The following VPS26C variants were observed in gnomAD, a reference collection of about 807,000 sequenced individuals.
The protein encoded by VPS26C is VPS26 endosomal protein sorting factor C.
In VPS26C, 19 loss-of-function variants were observed where a neutral mutation model predicts 30.6. The observed-to-expected ratio is 0.62, with a 90% CI of 0.43 to 0.91. VPS26C has a LOEUF of 0.91. VPS26C is among the 40% of genes least tolerant of loss of function. VPS26C has a pLI of 0.00. For missense variants in VPS26C, 318 were observed against 385.1 expected (o/e 0.83, Z 1.46); for synonymous variants, 132 against 151.5 (o/e 0.87, Z 0.95).
intron 1 of VPS26C, among the ~76,000 whole-genome samples, chr21:37,254,021 A>G (rs1393922348): frequency 6.6e-6 from 1 of 152,220 alleles, no homozygotes; most frequent in Non-Finnish European, 1.5e-5. Context: ...AAGTGCATGT[A>G]AAGACTCCAG....
chr21:37,250,026 G>A (rs78121578), intron 1 of VPS26C, among the ~76,000 whole-genome samples: 12,772 of 152,238 alleles, frequency 0.084, 1,368 homozygotes, highest in African/African-American at 0.23. Flanking sequence ...AAGTTGGGCC[G>A]GGCAGGGTGG....
chr21:37,247,165 T>C (rs2086145759), intron 1 of VPS26C, among the ~76,000 whole-genome samples: 1 of 152,230 alleles, frequency 6.6e-6, no homozygotes, highest in Non-Finnish European at 1.5e-5. Flanking sequence ...AGCCACACTA[T>C]GGCCAGTGGC....
At position 37,265,944 on chromosome 21, in the gene VPS26C, G is replaced by T. The variant is rs568403487; in HGVS notation, c.57+1294C>A. Among the ~76,000 whole-genome samples, 18 of 129,844 alleles carry T rather than the reference G, an allele frequency of 1.4e-4. No individual in the cohort carries two copies. The South Asian group carries it at 4.4e-3, about 31-fold the overall frequency. 85.2% of individuals were successfully genotyped at this position (129,844 alleles called of 152,430 possible). On this transcript the variant is annotated intron_variant, in intron 1 of 7. Transcript: ENST00000309117. Reference sequence around the variant, plus strand: ...TTTTTTTTTTTTTTTTTGAGACGGGGTCTCACTCTGTTGCCCAGGCTGGAG... The same window carrying T: ...TTTTTTTTTTTTTTTTTGAGACGGGTTCTCACTCTGTTGCCCAGGCTGGAG...
In VPS26C at chr21:37,233,172, C is replaced by G; in HGVS notation, c.432+190G>C. On this transcript the variant is annotated intron_variant, in intron 4 of 7. Coordinates refer to ENST00000309117, the MANE Select transcript of VPS26C (RefSeq NM_006052.2). The surrounding 1 kb of genome is among the most constrained non-coding windows in gnomAD (Gnocchi z 5.2). The stretch of plus-strand genomic sequence containing the variant: ...GGCCCGCGGCCTCAGCTGGGGGACT[C>G]TGGGCCCAGGACAATGATGCACACG... 1 of 562,038 alleles carries G rather than the reference C, an allele frequency of 1.8e-6. No homozygotes were observed. The allele number at this position is 562,038 out of a possible 1,614,324, so 34.8% of individuals were successfully genotyped here. A position where few individuals can be genotyped will look rare whatever the true frequency, so the allele number is the denominator to read the frequency against.
At chr21:37,261,743 T>G (rs922213849) in intron 1 of VPS26C, 1 of 151,906 alleles carries the variant, frequency 6.6e-6, no homozygotes, top group African/African-American at 2.4e-5. Context: ...ATTTTCAGAC[T>G]TGGCAGTGAA....
At chr21:37,244,800 C>T (rs888633746) in intron 1 of VPS26C, among the ~76,000 whole-genome samples, 6 of 152,082 alleles carry the variant, frequency 3.9e-5, no homozygotes, top group South Asian at 4.2e-4. Flanking sequence ...AGCAGGGGGA[C>T]GTGATGAAAA....
At chr21:37,260,230 G>A (rs1412381222) in intron 1 of VPS26C, among the ~76,000 whole-genome samples, 1 of 152,218 alleles carries the variant, frequency 6.6e-6, no homozygotes, top group Non-Finnish European at 1.5e-5. Context: ...AGCACTCTGT[G>A]AGCTGGAAAA....
rs75292300 is a variant in VPS26C, at chr21:37,264,989, G to A, written c.57+2249C>T. On this transcript the variant is annotated intron_variant, in intron 1 of 7. Transcript: ENST00000309117. ...GAGGAACTGACTCATGCTATGACAAGCATGAACACTGAACATTACTCGAAG... is the reference window on the plus strand; with the variant it reads ...GAGGAACTGACTCATGCTATGACAAACATGAACACTGAACATTACTCGAAG... Among the ~76,000 whole-genome samples the A allele has an allele frequency of 8.4e-3, 1,285 of 152,284 alleles. 11 individuals carry two copies. Among genetic ancestry groups the A allele is most frequent in the African/African-American group, 0.03 (1,234 of 41,570 alleles).
intron 1 of VPS26C, among the ~76,000 whole-genome samples, chr21:37,258,188 G>A (rs1387497456): frequency 3.3e-5 from 5 of 152,224 alleles, no homozygotes; most frequent in Admixed American, 3.3e-4. Context: ...TGACCCGGGC[G>A]CCTCCGCCCC....
upstream of VPS26C, chr21:37,267,645 G>T (rs920388529): frequency 3.3e-6 from 1 of 305,782 alleles, no homozygotes; most frequent in African/African-American, 2.2e-5. Context: ...AGGGAGGAAC[G>T]GCTCTCCCCG....
rs375877407 is a variant in VPS26C, at chr21:37,255,851, A to ATTTTTTTTTTTTTTTTTTTTTTT, written c.57+11386_57+11387insAAAAAAAAAAAAAAAAAAAAAAA. Among the ~76,000 whole-genome samples, 14 of 108,456 alleles carry ATTTTTTTTTTTTTTTTTTTTTTT rather than the reference A, an allele frequency of 1.3e-4. 2 individuals are homozygous for ATTTTTTTTTTTTTTTTTTTTTTT. The highest frequency in any genetic ancestry group is 5.9e-4 in the African/African-American group (13 of 21,882). 71.2% of individuals were successfully genotyped at this position (108,456 alleles called of 152,430 possible). On this transcript the variant is annotated intron_variant, in intron 1 of 7. Coordinates refer to ENST00000309117, the MANE Select transcript of VPS26C (RefSeq NM_006052.2). Reference sequence around the variant, plus strand: ...TTTAAAGCCTCATTCTATGCACTGCATTTTTTTTTTTTTTTTTTTTTAGAT... The same window carrying ATTTTTTTTTTTTTTTTTTTTTTT: ...TTTAAAGCCTCATTCTATGCACTGCATTTTTTTTTTTTTTTTTTTTTTTTTTTTTTTTTTTTTTTTTTTTAGAT...
intron 1 of VPS26C, among the ~76,000 whole-genome samples, chr21:37,260,628 G>A (rs543574764): frequency 3.9e-5 from 6 of 152,316 alleles, no homozygotes; most frequent in South Asian, 4.1e-4. Flanking sequence ...CTATATTCAC[G>A]CTGAGCCACA....
At chr21:37,245,274 C>A (rs370369051) in intron 1 of VPS26C, among the ~76,000 whole-genome samples, 1 of 152,186 alleles carries the variant, frequency 6.6e-6, no homozygotes, top group Admixed American at 6.5e-5. Flanking sequence ...AGCAGCTCAC[C>A]ATCTCAAGCA....
At chr21:37,255,872 T>TTTTTTTTTTTG (rs2086237890) in intron 1 of VPS26C, among the ~76,000 whole-genome samples, 1 of 144,810 alleles carries the variant, frequency 6.9e-6, no homozygotes, top group African/African-American at 2.5e-5. Context: ...TTTTTTTTTT[T>TTTTTTTTTTTG]AGATAGAGGC....
rs138315512 is a variant in VPS26C at position 37,255,330 on chromosome 21, G to C, written c.57+11908C>G. On this transcript the variant is annotated intron_variant, in intron 1 of 7. Coordinates refer to ENST00000309117, the MANE Select transcript of VPS26C (RefSeq NM_006052.2). ...TTCTTTCTGATAAAACAAAGGAAGA[G>C]CTAATTTTGGGCTGAAATCATGCCT... 2.8e-3 allele frequency among the ~76,000 whole-genome samples: 431 copies of C among 152,260 alleles called. 2 individuals carry two copies. Among genetic ancestry groups the C allele is most frequent in the African/African-American group, 9.9e-3 (413 of 41,550 alleles).
intron 1 of VPS26C, among the ~76,000 whole-genome samples, chr21:37,264,654 C>T (rs956678277): frequency 5.3e-5 from 8 of 152,052 alleles, no homozygotes; most frequent in South Asian, 2.1e-4. Flanking sequence ...AGAAAAGTTA[C>T]GAGAATACAA....
chr21:37,255,851 A>ATTTTTTTTTTTTTTTT lies in VPS26C; in HGVS notation c.57+11371_57+11386dup, dbSNP rs375877407. On this transcript the variant is annotated intron_variant, in intron 1 of 7. Transcript: ENST00000309117. ...TTTAAAGCCTCATTCTATGCACTGC[A>ATTTTTTTTTTTTTTTT]TTTTTTTTTTTTTTTTTTTTTAGAT... 1.3e-3 allele frequency among the ~76,000 whole-genome samples: 141 copies of ATTTTTTTTTTTTTTTT among 108,444 alleles called. 22 individuals are homozygous for ATTTTTTTTTTTTTTTT. The highest frequency in any genetic ancestry group is 5.9e-3 in the African/African-American group (129 of 21,872). 71.1% of individuals were successfully genotyped at this position (108,444 alleles called of 152,430 possible).
intron 1 of VPS26C, among the ~76,000 whole-genome samples, chr21:37,248,129 T>C (rs1373839707): frequency 1.3e-5 from 2 of 152,164 alleles, no homozygotes; most frequent in Non-Finnish European, 2.9e-5. Flanking sequence ...GTGGGAGACA[T>C]TAATTTACAG....
At chr21:37,239,863 G>T (rs2086067363) in intron 2 of VPS26C, among the ~76,000 whole-genome samples, 1 of 152,152 alleles carries the variant, frequency 6.6e-6, no homozygotes, top group Admixed American at 6.5e-5. Flanking sequence ...CTCCCAAAGT[G>T]CTGGGATTAC....
Sources: allele counts gnomAD v4.1 joint callset (sites outside exome capture counted in the v4.1 genomes callset), GRCh38; gene constraint gnomAD v4.1.1; non-coding constraint Gnocchi (gnomAD v3.1); transcripts MANE v1.5; gene names NCBI Gene and HGNC (gene_info 2026-07-23, HGNC 2026-07-21).